The following AKAP7 variants were observed in gnomAD, a reference collection of about 807,000 sequenced individuals.
The protein encoded by AKAP7 is A-kinase anchoring protein 7, also known as A kinase (PRKA) anchor protein 7.
Under a neutral mutation model 39.5 loss-of-function variants are expected in AKAP7, and 39 were observed. That is an observed-to-expected ratio of 0.99 (90% CI 0.76 to 1.29). AKAP7 has a LOEUF of 1.29. AKAP7 is among the 50% of genes most tolerant of loss of function. The pLI is 0.00. For synonymous variants in AKAP7, 140 were observed against 139.1 expected, an observed-to-expected ratio of 1.01 and a Z score of -0.05; for missense variants, 414 against 407.7, an observed-to-expected ratio of 1.02 and a Z score of -0.13.
intron 7 of AKAP7, among the ~76,000 whole-genome samples, chr6:131,230,102 G>A (rs970727751): frequency 3.3e-5 from 5 of 152,200 alleles, no homozygotes; most frequent in African/African-American, 1.2e-4. Context: ...TTTCATCTGG[G>A]TGTATACCCA....
chr6:131,156,649 C>T (rs746304006), intron 2 of AKAP7, among the ~76,000 whole-genome samples: 1 of 151,464 alleles, frequency 6.6e-6, no homozygotes. Flanking sequence ...CAAAACAAAA[C>T]AAAAAAATAA....
rs60033504 is a variant in AKAP7 at position 131,247,269 on chromosome 6, GTATATATATATATATATATATATA to G, written c.850+27483_850+27506del. Among the ~76,000 whole-genome samples the G allele has an allele frequency of 9.4e-3, 865 of 91,926 alleles. 16 individuals carry two copies. The highest frequency in any genetic ancestry group is 0.033 in the African/African-American group (809 of 24,246). The allele number at this position is 91,926 out of a possible 152,430, so 60.3% of individuals were successfully genotyped here. On this transcript the variant is annotated intron_variant, in intron 7 of 7. Transcript: ENST00000431975. ...TGATAGTTAATGACACATTTCATAT[GTATATATATATATATATATATATA>G]TATATATATATATATATATATGTTT...
chr6:131,218,977 GTATC>G (rs1809446995), intron 6 of AKAP7, among the ~76,000 whole-genome samples: 1 of 152,022 alleles, frequency 6.6e-6, no homozygotes, highest in Admixed American at 6.6e-5. Context: ...TTAAAAAAAT[GTATC>G]TATTTCGCTG....
At chr6:131,270,864 A>G (rs969156261) in intron 7 of AKAP7, among the ~76,000 whole-genome samples, 4 of 152,090 alleles carry the variant, frequency 2.6e-5, no homozygotes, top group Admixed American at 2.0e-4. Context: ...GACCATCTGT[A>G]TATCTTATTT....
At chr6:131,176,691 C>T (rs1804617314) in intron 5 of AKAP7, among the ~76,000 whole-genome samples, 1 of 151,994 alleles carries the variant, frequency 6.6e-6, no homozygotes, top group East Asian at 1.9e-4. Context: ...CTGTCATTTC[C>T]CCCAAAAGAT....
chr6:131,150,101 G>A (rs1170321010), intron 2 of AKAP7, among the ~76,000 whole-genome samples: 1 of 152,094 alleles, frequency 6.6e-6, no homozygotes. Context: ...AAACAGGTAT[G>A]CACCACTATG....
At chr6:131,216,229 A>G (rs1472222696) in intron 6 of AKAP7, among the ~76,000 whole-genome samples, 1 of 152,248 alleles carries the variant, frequency 6.6e-6, no homozygotes, top group East Asian at 1.9e-4. Context: ...CTTTGAGATT[A>G]GCAAATGTGA....
At chr6:131,236,298 G>A (rs1016281850) in intron 7 of AKAP7, among the ~76,000 whole-genome samples, 3 of 152,100 alleles carry the variant, frequency 2.0e-5, no homozygotes, top group African/African-American at 7.2e-5. Flanking sequence ...TGCTGTTTTG[G>A]TTACTGTAGC....
At chr6:131,187,848 C>G (rs1187553516) in intron 5 of AKAP7, among the ~76,000 whole-genome samples, 1 of 152,156 alleles carries the variant, frequency 6.6e-6, no homozygotes, top group Non-Finnish European at 1.5e-5. Flanking sequence ...CTAGAATCCC[C>G]TAAGGGTGAT....
intron 7 of AKAP7, among the ~76,000 whole-genome samples, chr6:131,226,346 C>G (rs961560429): frequency 6.6e-6 from 1 of 152,160 alleles, no homozygotes; most frequent in African/African-American, 2.4e-5. Context: ...TTCCTATTTT[C>G]AGATATAAGA....
At chr6:131,161,210 C>T (rs1802909238) in intron 3 of AKAP7, among the ~76,000 whole-genome samples, 1 of 152,124 alleles carries the variant, frequency 6.6e-6, no homozygotes, top group South Asian at 2.1e-4. Flanking sequence ...CTGTGAGACA[C>T]AGTTTAGCTG....
chr6:131,224,774 C>T (rs571079503), intron 7 of AKAP7, among the ~76,000 whole-genome samples: 1 of 97,228 alleles, frequency 1.0e-5, no homozygotes, highest in East Asian at 3.6e-4. Context: ...CAGAGTCTTG[C>T]TCTTTCACCC....
chr6:131,138,039 G>C (rs887137694), intron 1 of AKAP7, among the ~76,000 whole-genome samples: 2 of 152,018 alleles, frequency 1.3e-5, no homozygotes, highest in Non-Finnish European at 2.9e-5. Flanking sequence ...AGCATGCTTC[G>C]TTTAACTGTT....
intron 3 of AKAP7, among the ~76,000 whole-genome samples, chr6:131,160,526 T>G (rs1490630876): frequency 6.6e-6 from 1 of 152,208 alleles, no homozygotes; most frequent in Non-Finnish European, 1.5e-5. Flanking sequence ...CAATCATATT[T>G]AAACGGTAAT....
intron 7 of AKAP7, among the ~76,000 whole-genome samples, chr6:131,249,663 T>C (rs998888855): frequency 3.3e-5 from 5 of 152,218 alleles, no homozygotes; most frequent in African/African-American, 9.6e-5. Context: ...AAATCTGTTA[T>C]TTCATGTAAT....
chr6:131,220,788 A>G (rs1479900594), intron 7 of AKAP7, among the ~76,000 whole-genome samples: 1 of 152,092 alleles, frequency 6.6e-6, no homozygotes, highest in Non-Finnish European at 1.5e-5. Flanking sequence ...CTTCATTATT[A>G]TTATATCTGT....
At chr6:131,228,853 T>A (rs1810406229) in intron 7 of AKAP7, among the ~76,000 whole-genome samples, 1 of 152,204 alleles carries the variant, frequency 6.6e-6, no homozygotes, top group Admixed American at 6.5e-5. Flanking sequence ...CCAGTATGAA[T>A]CTAGACAGTT....
At chr6:131,151,293 T>C (rs1388905361) in intron 2 of AKAP7, among the ~76,000 whole-genome samples, 1 of 151,370 alleles carries the variant, frequency 6.6e-6, no homozygotes, top group East Asian at 2.0e-4. Flanking sequence ...TCCACCTGCC[T>C]CAGCCTCCCA....
chr6:131,177,534 C>G (rs1393622485), intron 5 of AKAP7, among the ~76,000 whole-genome samples: 1 of 152,170 alleles, frequency 6.6e-6, no homozygotes, highest in Non-Finnish European at 1.5e-5. Context: ...AGGCATTCAT[C>G]TATTTATGAG....
Sources: gnomAD v4.1 joint callset for allele counts (sites outside exome capture counted in the v4.1 genomes callset) on GRCh38, gnomAD v4.1.1 for gene constraint, MANE v1.5 for transcripts, NCBI Gene and HGNC (gene_info 2026-07-23, HGNC 2026-07-21) for gene names.